Variants in IL1RAP observed in about 807,000 individuals in gnomAD.
The protein encoded by IL1RAP is interleukin-1 receptor accessory protein.
A neutral mutation model predicts 60.7 loss-of-function variants in IL1RAP; 35 were observed. The observed-to-expected ratio is 0.58, with a 90% CI of 0.44 to 0.76. The LOEUF (loss-of-function observed/expected upper bound fraction) is 0.76. Among genes scored for constraint, IL1RAP ranks in the 30% least tolerant of loss-of-function variants. The pLI is 0.00. For synonymous variants in IL1RAP, 268 were observed against 250.9 expected, an observed-to-expected ratio of 1.07 and a Z score of -0.64; for missense variants, 572 against 693.9, an observed-to-expected ratio of 0.82 and a Z score of 1.97.
chr3:190,534,647 C>T (rs1047286673), intron 1 of IL1RAP, among the ~76,000 whole-genome samples: 1 of 152,140 alleles, frequency 6.6e-6, no homozygotes, highest in African/African-American at 2.4e-5. Context: ...TCAGACATGA[C>T]TCTTTTTCCT....
chr3:190,630,651 C>G (rs890831209), intron 9 of IL1RAP, among the ~76,000 whole-genome samples: 2 of 152,208 alleles, frequency 1.3e-5, no homozygotes, highest in African/African-American at 4.8e-5. Context: ...TTCATTGCTT[C>G]TGCTCCTCAG....
downstream of IL1RAP, chr3:190,656,052 T>C (rs1275716394): frequency 9.8e-6 from 15 of 1,537,012 alleles, no homozygotes; most frequent in East Asian, 3.7e-4. Context: ...TTGAGTACCG[T>C]CCCCTTGAGC....
chr3:190,528,778 C>T (rs899075197), intron 1 of IL1RAP, among the ~76,000 whole-genome samples: 3 of 152,100 alleles, frequency 2.0e-5, no homozygotes, highest in Non-Finnish European at 2.9e-5. Context: ...AATTGTGTAA[C>T]TCAGGAAGGG....
intron 3 of IL1RAP, 148 bp downstream of exon 3, chr3:190,564,501 T>C: frequency 1.5e-6 from 1 of 654,412 alleles, no homozygotes; most frequent in South Asian, 1.7e-5. Flanking sequence ...AGCAGAATAA[T>C]AGAATTTTGA....
At chr3:190,604,004 GGAA>G in intron 3 of IL1RAP, 121 bp from the exon 4 acceptor site, 1 of 902,208 alleles carries the variant, frequency 1.1e-6, no homozygotes, top group Non-Finnish European at 1.7e-6. Context: ...GAGGGAGGCT[GGAA>G]GATGACCAGA....
intron 3 of IL1RAP, among the ~76,000 whole-genome samples, chr3:190,568,597 T>G (rs776603447): frequency 2.6e-5 from 4 of 152,226 alleles, no homozygotes; most frequent in Admixed American, 2.6e-4. Context: ...TCAAGTTCTG[T>G]TTTACTCTGT....
chr3:190,634,939 T>A (rs1186916922), intron 9 of IL1RAP, among the ~76,000 whole-genome samples: 3 of 152,128 alleles, frequency 2.0e-5, no homozygotes, highest in Non-Finnish European at 1.5e-5. Context: ...ATGGTCTCGA[T>A]CTCCTGACCT....
At chr3:190,580,912 G>A (rs1265549926) in intron 3 of IL1RAP, among the ~76,000 whole-genome samples, 3 of 152,158 alleles carry the variant, frequency 2.0e-5, no homozygotes, top group East Asian at 1.9e-4. Context: ...TTTCTTGCCC[G>A]TGTATATATC....
chr3:190,613,118 G>T (rs140864831), intron 5 of IL1RAP, among the ~76,000 whole-genome samples: 1 of 152,170 alleles, frequency 6.6e-6, no homozygotes, highest in African/African-American at 2.4e-5. Flanking sequence ...AGAAAATACT[G>T]TTGGTTTTAA....
rs138431593 is a variant in IL1RAP at position 190,639,148 on chromosome 3, C to A, written c.1052-5100C>A. Reference sequence around the variant, plus strand: ...TTAGAGTTTATTAAACTTCTCAGTTCTATGTGTTTATATTTTTCCTTTACT... The same window carrying A: ...TTAGAGTTTATTAAACTTCTCAGTTATATGTGTTTATATTTTTCCTTTACT... On this transcript the variant is annotated intron_variant, in intron 9 of 11. Transcript: ENST00000447382. 6.0e-3 allele frequency among the ~76,000 whole-genome samples: 911 copies of A among 152,096 alleles called. 8 individuals carry two copies. Among genetic ancestry groups the A allele is most frequent in the Middle Eastern group, 0.014 (4 of 294 alleles).
chr3:190,572,841 G>C (rs4687151), intron 3 of IL1RAP, among the ~76,000 whole-genome samples: 68,578 of 86,614 alleles, frequency 0.79, 28,674 homozygotes, highest in Middle Eastern at 0.91. Context: ...TGGTCAGCAT[G>C]TCCAGGGTTA....
At chr3:190,639,529 A>C (rs1733490387) in intron 9 of IL1RAP, among the ~76,000 whole-genome samples, 1 of 152,192 alleles carries the variant, frequency 6.6e-6, no homozygotes, top group Non-Finnish European at 1.5e-5. Context: ...AAAAAATTGA[A>C]CAAATACACA....
At chr3:190,583,223 A>C (rs1560188730) in intron 3 of IL1RAP, among the ~76,000 whole-genome samples, 1 of 152,270 alleles carries the variant, frequency 6.6e-6, no homozygotes, top group East Asian at 1.9e-4. Flanking sequence ...CTCCATGACA[A>C]CAGGCAGATT....
intron 11 of IL1RAP, 27 bp downstream of exon 11, chr3:190,645,869 A>G: frequency 1.9e-6 from 3 of 1,592,892 alleles, no homozygotes; most frequent in Non-Finnish European, 2.6e-6. Flanking sequence ...AGTACAAATG[A>G]TGCTACCTTG....
chr3:190,523,055 A>G (rs1459817981), intron 1 of IL1RAP, among the ~76,000 whole-genome samples: 2 of 152,214 alleles, frequency 1.3e-5, no homozygotes, highest in African/African-American at 4.8e-5. Context: ...TACTTACTGT[A>G]TAAGCCAGTC....
intron 3 of IL1RAP, among the ~76,000 whole-genome samples, chr3:190,603,457 A>T (rs1476144442): frequency 1.3e-5 from 2 of 152,168 alleles, no homozygotes; most frequent in Non-Finnish European, 2.9e-5. Context: ...CTGTCCAATA[A>T]AGTAGACAGT....
chr3:190,581,648 A>G (rs952606247), intron 3 of IL1RAP, among the ~76,000 whole-genome samples: 2 of 152,222 alleles, frequency 1.3e-5, no homozygotes, highest in East Asian at 1.9e-4. Context: ...TTATGGTCCT[A>G]TGATTCTCTG....
chr3:190,631,636 A>G (rs1423358523), intron 9 of IL1RAP, among the ~76,000 whole-genome samples: 1 of 152,224 alleles, frequency 6.6e-6, no homozygotes, highest in Non-Finnish European at 1.5e-5. Flanking sequence ...TTAGCAAAGC[A>G]TTATATGAAC....
At chr3:190,527,901 C>G (rs1217642049) in intron 1 of IL1RAP, among the ~76,000 whole-genome samples, 1 of 151,568 alleles carries the variant, frequency 6.6e-6, no homozygotes, top group Non-Finnish European at 1.5e-5. Flanking sequence ...AATTGGCACT[C>G]ACTATATATT....
Sources: gnomAD v4.1 joint callset for allele counts (sites outside exome capture counted in the v4.1 genomes callset) on GRCh38, gnomAD v4.1.1 for gene constraint, MANE v1.5 for transcripts, NCBI Gene and HGNC (gene_info 2026-07-23, HGNC 2026-07-21) for gene names.